The following LIPC variants were observed in gnomAD, a reference collection of about 807,000 sequenced individuals.
LIPC encodes the protein lipase C, hepatic type.
Under a neutral mutation model 50.7 loss-of-function variants are expected in LIPC, and 44 were observed. That is an observed-to-expected ratio of 0.87 (90% confidence interval 0.68 to 1.11). The LOEUF (loss-of-function observed/expected upper bound fraction) is 1.11, where lower values mean the gene tolerates loss of function less well. Ranked by LOEUF, LIPC falls within the 50% of genes most tolerant of loss-of-function variation. The pLI is 0.00. For missense variants in LIPC, 697 were observed against 648.2 expected (o/e 1.08, Z -0.82); for synonymous variants, 271 against 256.4 (o/e 1.06, Z -0.54).
At chr15:58,561,424 A>G (rs12438032) in intron 7 of LIPC, among the ~76,000 whole-genome samples, 145,096 of 152,194 alleles carry the variant, frequency 0.95, 69,319 homozygotes, top group Middle Eastern at 0.99. Context: ...TCAATAGAAG[A>G]GAGTGTCGGG....
chr15:58,474,880 G>A (rs555585282), intron 1 of LIPC, among the ~76,000 whole-genome samples: 1 of 152,226 alleles, frequency 6.6e-6, no homozygotes, highest in African/African-American at 2.4e-5. Context: ...CTCCTGACCT[G>A]CCCCATCCCA....
At chr15:58,510,300 A>T (rs2140856025) in intron 1 of LIPC, among the ~76,000 whole-genome samples, 1 of 152,356 alleles carries the variant, frequency 6.6e-6, no homozygotes, top group South Asian at 2.1e-4. Flanking sequence ...TGACATTGAT[A>T]AAAAGGGCTC....
chr15:58,464,337 A>G (rs1043423230), intron 1 of LIPC, among the ~76,000 whole-genome samples: 3 of 152,232 alleles, frequency 2.0e-5, no homozygotes, highest in Non-Finnish European at 4.4e-5. Context: ...ACTCGGCTCC[A>G]AAGAGCCTAA....
chr15:58,502,683 C>A (rs560319904), intron 1 of LIPC, among the ~76,000 whole-genome samples: 2 of 152,186 alleles, frequency 1.3e-5, no homozygotes, highest in East Asian at 3.9e-4. Context: ...TGTGTGAGAA[C>A]TGGGGGAATA....
intron 1 of LIPC, among the ~76,000 whole-genome samples, chr15:58,494,284 C>G (rs762040479): frequency 5.3e-5 from 8 of 152,194 alleles, no homozygotes; most frequent in Non-Finnish European, 8.8e-5. Flanking sequence ...CAGACCAACC[C>G]TGGTGCAATG....
chr15:58,442,210 G>T (rs569112926), intron 1 of LIPC, among the ~76,000 whole-genome samples: 2 of 152,276 alleles, frequency 1.3e-5, no homozygotes, highest in Admixed American at 6.5e-5. Flanking sequence ...TCATCGTGGT[G>T]CCAGGAGATC....
chr15:58,438,288 T>A (rs1348562041), intron 1 of LIPC, among the ~76,000 whole-genome samples: 1 of 151,876 alleles, frequency 6.6e-6, no homozygotes, highest in Middle Eastern at 3.2e-3. Flanking sequence ...CATTTCATCA[T>A]GAGGGGAATG....
chr15:58,501,130 A>T (rs1891970944), intron 1 of LIPC, among the ~76,000 whole-genome samples: 1 of 151,906 alleles, frequency 6.6e-6, no homozygotes, highest in Admixed American at 6.6e-5. Flanking sequence ...ACTCCACCTT[A>T]AAATGCCTCC....
chr15:58,449,840 G>A (rs867999664), intron 1 of LIPC, among the ~76,000 whole-genome samples: 4 of 152,088 alleles, frequency 2.6e-5, no homozygotes, highest in African/African-American at 4.8e-5. Context: ...CACCATGCCC[G>A]GCCTTGGGTT....
chr15:58,457,775 C>T (rs1177845629), intron 1 of LIPC, among the ~76,000 whole-genome samples: 1 of 152,198 alleles, frequency 6.6e-6, no homozygotes, highest in East Asian at 1.9e-4. Flanking sequence ...CCTGACTGAA[C>T]TGGATATATG....
chr15:58,467,707 T>C (rs185865989), intron 1 of LIPC, among the ~76,000 whole-genome samples: 2 of 152,316 alleles, frequency 1.3e-5, no homozygotes, highest in African/African-American at 4.8e-5. Context: ...GTTCTATGTT[T>C]TATTTTGGAA....
At chr15:58,543,169 A>C (rs1313450406) in intron 4 of LIPC, among the ~76,000 whole-genome samples, 1 of 152,164 alleles carries the variant, frequency 6.6e-6, no homozygotes, top group Non-Finnish European at 1.5e-5. Flanking sequence ...CAAGATATCC[A>C]GGAAGGTCTG....
chr15:58,474,545 G>A (rs1018576618), intron 1 of LIPC, among the ~76,000 whole-genome samples: 2 of 147,790 alleles, frequency 1.4e-5, no homozygotes, highest in East Asian at 4.0e-4. Flanking sequence ...GGCTTTTCAC[G>A]AATTTCACAT....
intron 1 of LIPC, among the ~76,000 whole-genome samples, chr15:58,509,033 A>C (rs750482578): frequency 1.2e-4 from 18 of 152,220 alleles, no homozygotes; most frequent in Non-Finnish European, 2.1e-4. Context: ...TGCTAAAGGA[A>C]TGAAGGAACA....
chr15:58,547,506 G>A (rs1385425000), intron 5 of LIPC, among the ~76,000 whole-genome samples: 1 of 152,102 alleles, frequency 6.6e-6, no homozygotes, highest in East Asian at 1.9e-4. Flanking sequence ...CAGACAACTG[G>A]GGAAATAGCT....
chr15:58,472,293 A>G (rs1020007167), intron 1 of LIPC, among the ~76,000 whole-genome samples: 5 of 140,570 alleles, frequency 3.6e-5, no homozygotes, highest in Non-Finnish European at 6.2e-5. Context: ...AAAAAAAAAA[A>G]GAAATCTTAG....
At chr15:58,504,224 CA>C (rs1413136863) in intron 1 of LIPC, among the ~76,000 whole-genome samples, 1 of 152,198 alleles carries the variant, frequency 6.6e-6, no homozygotes, top group African/African-American at 2.4e-5. Context: ...ATGGTGGGGT[CA>C]TTCCAACCCC....
chr15:58,488,073 C>T (rs1167736208), intron 1 of LIPC, among the ~76,000 whole-genome samples: 2 of 152,226 alleles, frequency 1.3e-5, no homozygotes, highest in African/African-American at 4.8e-5. Context: ...GAGGTCAAGG[C>T]CAGTCTGGCC....
chr15:58,565,483 G>T, intron 8 of LIPC: 1 of 1,396,552 alleles, frequency 7.2e-7, no homozygotes, highest in Non-Finnish European at 9.3e-7. Context: ...CTCCCACACG[G>T]GGTGAGCATT....
Sources: allele counts gnomAD v4.1 joint callset (sites outside exome capture counted in the v4.1 genomes callset), GRCh38; gene constraint gnomAD v4.1.1; transcripts MANE v1.5; gene names NCBI Gene and HGNC (gene_info 2026-07-23, HGNC 2026-07-21).